Variants in SNF8 observed in about 807,000 individuals in gnomAD.
SNF8 encodes vacuolar-sorting protein SNF8.
A neutral mutation model predicts 36.8 loss-of-function variants in SNF8; 19 were observed. The ratio of observed to expected loss-of-function variants is 0.52; its 90% CI spans 0.36 to 0.76. The LOEUF is 0.76. SNF8 is among the 30% of genes least tolerant of loss of function. The pLI is 0.00. For synonymous variants in SNF8, 127 were observed against 127.4 expected (o/e 1.00, Z 0.02); for missense variants, 268 against 322.9 (o/e 0.83, Z 1.30).
At position 48,930,322 on chromosome 17, in the gene SNF8, G is replaced by A; in HGVS notation, c.*153C>T. The A allele has an allele frequency of 1.3e-6, 1 of 783,808 alleles. No individual in the cohort carries two copies. Among genetic ancestry groups the A allele is most frequent in the Non-Finnish European group, 1.9e-6 (1 of 530,698 alleles). The allele number at this position is 783,808 out of a possible 1,614,324, so 48.6% of individuals were successfully genotyped here. Reference sequence around the variant, plus strand: ...AGCGAGGTTTTCCTCCAATAAAAATGCAACGTGAAGGCACTTTTCAAAAAT... The same window carrying A: ...AGCGAGGTTTTCCTCCAATAAAAATACAACGTGAAGGCACTTTTCAAAAAT... On this transcript the variant is annotated 3_prime_UTR_variant, in exon 8 of 8. Coordinates refer to ENST00000502492, the MANE Select transcript of SNF8 (RefSeq NM_007241.4).
Position 48,943,987 on chromosome 17 carries a change from A to C in SNF8, c.55-12T>G. 1 of 1,613,596 alleles carries C rather than the reference A, an allele frequency of 6.2e-7. No individual in the cohort carries two copies. Among genetic ancestry groups the C allele is most frequent in the Non-Finnish European group, 8.5e-7 (1 of 1,179,708 alleles). The stretch of plus-strand genomic sequence containing the variant: ...TCCTTATACTTGGCCTGTCAGACAA[A>C]GAGACCAGCATAAGTTAAGAGAGTG... On this transcript the variant is annotated splice_polypyrimidine_tract_variant and intron_variant, in intron 1 of 7. Coordinates refer to ENST00000502492, the MANE Select transcript of SNF8 (RefSeq NM_007241.4).
At chr17:48,936,025 T>TTTTGG (rs2143803139) in intron 5 of SNF8, 145 bp downstream of exon 5, 1 of 574,534 alleles carries the variant, frequency 1.7e-6, no homozygotes, top group Non-Finnish European at 3.0e-6. Context: ...TTTTTGTTTG[T>TTTTGG]TTTTTGTTTT....
chr17:48,930,721 A>G, intron 7 of SNF8, 109 bp from the exon 8 acceptor site: 1 of 1,164,856 alleles, frequency 8.6e-7, no homozygotes, highest in Non-Finnish European at 1.2e-6. Flanking sequence ...TTTTCAAACT[A>G]AATCTACTAA....
At chr17:48,943,694 A>G (rs2041063625) in intron 2 of SNF8, among the ~76,000 whole-genome samples, 1 of 152,228 alleles carries the variant, frequency 6.6e-6, no homozygotes, top group Non-Finnish European at 1.5e-5. Flanking sequence ...AAGACAGTCT[A>G]TGTAAAGAAA....
At position 48,943,911 on chromosome 17, in the gene SNF8, C is replaced by T. The variant is rs757494745; in HGVS notation, c.105+14G>A. On this transcript the variant is annotated intron_variant, in intron 2 of 7. Coordinates refer to ENST00000502492, the MANE Select transcript of SNF8 (RefSeq NM_007241.4). Reference sequence around the variant, plus strand: ...AGGTCTCCCTCCCTGCCTGGGGCCCCCCAACCGACTTACCTGGGCTAGCTG... The same window carrying T: ...AGGTCTCCCTCCCTGCCTGGGGCCCTCCAACCGACTTACCTGGGCTAGCTG... 1.9e-6 allele frequency: 3 copies of T among 1,613,866 alleles called. No homozygotes were observed. Among genetic ancestry groups the T allele is most frequent in the East Asian group, 4.5e-5 (2 of 44,888 alleles).
intron 2 of SNF8, among the ~76,000 whole-genome samples, chr17:48,941,513 C>T (rs140048536): frequency 7.9e-5 from 12 of 152,072 alleles, no homozygotes; most frequent in South Asian, 4.2e-4. Flanking sequence ...TTTACCCCCC[C>T]CAGCCGACAG....
At chr17:48,930,754 C>T in intron 7 of SNF8, 142 bp from the exon 8 acceptor site, 2 of 837,728 alleles carry the variant, frequency 2.4e-6, no homozygotes, top group Non-Finnish European at 3.6e-6. Context: ...CTTTACACAA[C>T]CAACTAAACG....
chr17:48,933,468 A>G (rs1031792844), intron 5 of SNF8, 122 bp from the exon 6 acceptor site: 21 of 1,117,216 alleles, frequency 1.9e-5, no homozygotes, highest in Non-Finnish European at 5.3e-6. Flanking sequence ...TGCCAGGCGC[A>G]ATGGCTCATA....
rs1260794764 is a variant in SNF8, at chr17:48,940,910, A to G, written c.244+14T>C. 6.2e-7 allele frequency: 1 copy of G among 1,611,408 alleles called. No individual in the cohort carries two copies. Among genetic ancestry groups the G allele is most frequent in the Non-Finnish European group, 8.5e-7 (1 of 1,179,302 alleles). Reference sequence around the variant, plus strand: ...CTCTATAAGAACGCTGGACCCCTACAGACAACTTCTTACAGGCCAGCGGAT... The same window carrying G: ...CTCTATAAGAACGCTGGACCCCTACGGACAACTTCTTACAGGCCAGCGGAT... On this transcript the variant is annotated intron_variant, in intron 3 of 7. Transcript: ENST00000502492.
chr17:48,939,416 T>G (rs558268482), intron 3 of SNF8, among the ~76,000 whole-genome samples: 1 of 151,324 alleles, frequency 6.6e-6, no homozygotes, highest in African/African-American at 2.4e-5. Context: ...CCAGCCTAGG[T>G]GACAGAAACC....
At chr17:48,936,042 T>C (rs974686139) in intron 5 of SNF8, 128 bp downstream of exon 5, 76 of 660,280 alleles carry the variant, frequency 1.2e-4, no homozygotes, top group East Asian at 7.1e-4. Context: ...TTTTTTTTTT[T>C]CCTGTATGAT....
chr17:48,930,476 CAG>C lies in SNF8; in HGVS notation c.774_775del (p.Ter259ThrfsTer19), dbSNP rs1343115483. ...TGCTGTGTGCCCTTCCACATGCAGT[CAG>C]GGGAGGGCTTCTCTGGCCTCCTCAG... On this transcript the variant is annotated frameshift_variant and stop_lost, in exon 8 of 8. Coordinates refer to ENST00000502492, the MANE Select transcript of SNF8 (RefSeq NM_007241.4). LOFTEE classifies it high-confidence loss of function. 12 of 1,599,800 alleles carry C rather than the reference CAG, an allele frequency of 7.5e-6. No homozygotes were observed. Among genetic ancestry groups the C allele is most frequent in the Admixed American group, 1.7e-5 (1 of 58,990 alleles).
chr17:48,941,777 G>A (rs549882651), intron 2 of SNF8, among the ~76,000 whole-genome samples: 2 of 151,656 alleles, frequency 1.3e-5, no homozygotes, highest in Middle Eastern at 3.4e-3. Context: ...TGCAACCTTC[G>A]CCTCCCAGTT....
At chr17:48,944,612 A>G in intron 1 of SNF8, 69 bp downstream of exon 1, 2 of 1,524,506 alleles carry the variant, frequency 1.3e-6, no homozygotes, top group Non-Finnish European at 9.1e-7. Flanking sequence ...CGGGTAGGAC[A>G]CTGCTCCGGG....
rs374062076 is a variant in SNF8 at position 48,944,723 on chromosome 17, G to A, written c.12C>T (p.Arg4=). Residue 4 remains arginine (R), a synonymous_variant, in exon 1 of 8, where the codon CGC becomes CGT. Transcript: ENST00000502492. ...TGGCGATGGCGCCAGCTCCCACCCC[G>A]CGGCGGTGCATCCCCACCCTGGGCC... MHR[R]GVGAGAIAKK... is the part of the protein sequence containing the mutation. 4.3e-6 allele frequency: 7 copies of A among 1,610,322 alleles called. No individual in the cohort carries two copies. Among genetic ancestry groups the A allele is most frequent in the Non-Finnish European group, 5.9e-6 (7 of 1,178,860 alleles).
At chr17:48,940,759 C>T (rs1307418469) in intron 3 of SNF8, among the ~76,000 whole-genome samples, 165 bp downstream of exon 3, 1 of 152,140 alleles carries the variant, frequency 6.6e-6, no homozygotes, top group Non-Finnish European at 1.5e-5. Context: ...CACTGCACTC[C>T]AGCCTGGGCG....
In SNF8 at chr17:48,930,352, G is replaced by T. The variant is rs1192321980; in HGVS notation, c.*123C>A. The T allele has an allele frequency of 6.1e-6, 7 of 1,152,402 alleles. No individual in the cohort carries two copies. The highest frequency in any genetic ancestry group is 2.2e-5 in the South Asian group (1 of 45,210). The allele number at this position is 1,152,402 out of a possible 1,614,324, so 71.4% of individuals were successfully genotyped here. On this transcript the variant is annotated 3_prime_UTR_variant, in exon 8 of 8. Transcript: ENST00000502492. ...GTGAAGGCACTTTTCAAAAATAAAA[G>T]AATGAGGGAAGAAAGAAAAACTTGG...
At chr17:48,930,757 A>G in intron 7 of SNF8, 145 bp from the exon 8 acceptor site, 6 of 821,818 alleles carry the variant, frequency 7.3e-6, no homozygotes, top group East Asian at 2.7e-5. Context: ...TACACAACCA[A>G]CTAAACGAGC....
At chr17:48,940,115 T>C (rs12601858) in intron 3 of SNF8, among the ~76,000 whole-genome samples, 60,771 of 148,890 alleles carry the variant, frequency 0.41, 14,970 homozygotes, top group East Asian at 0.71. Flanking sequence ...AACAAGGTCT[T>C]GCTGCAGCCT....
Sources: gnomAD v4.1 joint callset for allele counts (sites outside exome capture counted in the v4.1 genomes callset) on GRCh38, gnomAD v4.1.1 for gene constraint, MANE v1.5 for transcripts, NCBI Gene and HGNC (gene_info 2026-07-23, HGNC 2026-07-21) for gene names.